The following INO80 variants were observed in gnomAD, a reference collection of about 807,000 sequenced individuals.
INO80 encodes the protein INO80 complex ATPase subunit.
Under a neutral mutation model 203.4 loss-of-function variants are expected in INO80, and 20 were observed. The ratio of observed to expected loss-of-function variants is 0.10; its 90% CI spans 0.07 to 0.14. The LOEUF (loss-of-function observed/expected upper bound fraction) is 0.14. Ranked by LOEUF, INO80 falls within the 10% of genes least tolerant of loss-of-function variation. INO80 has a pLI of 1.00. For synonymous variants in INO80, 726 were observed against 685.2 expected, an observed-to-expected ratio of 1.06 and a Z score of -0.93; for missense variants, 1,419 against 1,914.4, an observed-to-expected ratio of 0.74 and a Z score of 4.83.
At chr15:41,003,189 C>G (rs1245945626) in intron 28 of INO80, among the ~76,000 whole-genome samples, 2 of 151,822 alleles carry the variant, frequency 1.3e-5, no homozygotes, top group Admixed American at 6.6e-5. Context: ...ATGGTTATGA[C>G]AGAATATTAA....
intron 5 of INO80, among the ~76,000 whole-genome samples, chr15:41,090,208 G>C (rs886968422): frequency 1.3e-5 from 2 of 152,216 alleles, no homozygotes; most frequent in African/African-American, 4.8e-5. Context: ...CATTAAGTGA[G>C]AGAAGCTGGA....
At position 41,081,132 on chromosome 15, in the gene INO80, A is replaced by G. The variant is rs554022702; in HGVS notation, c.874-59T>C. ...ATTCATTTTTGAACTAAGACTATGT[A>G]GAATGAACAGTCTTTTACTCAATTC... is the stretch of plus-strand genomic sequence containing the variant. On this transcript the variant is annotated intron_variant, in intron 7 of 35. Transcript: ENST00000648947. The G allele has an allele frequency of 4.1e-5, 44 of 1,061,492 alleles. 1 individual carries two copies. In the South Asian group the frequency reaches 5.7e-4, roughly 14 times the overall value. 65.8% of individuals were successfully genotyped at this position (1,061,492 alleles called of 1,614,324 possible).
At chr15:41,049,672 G>A (rs910601651) in intron 20 of INO80, among the ~76,000 whole-genome samples, 13 of 152,152 alleles carry the variant, frequency 8.5e-5, no homozygotes, top group African/African-American at 3.1e-4. Flanking sequence ...GATCCCTTGA[G>A]GCCAAGAGTT....
intron 1 of INO80, among the ~76,000 whole-genome samples, chr15:41,106,067 G>A (rs573272913): frequency 3.7e-4 from 57 of 152,074 alleles, no homozygotes; most frequent in Non-Finnish European, 7.6e-4. Context: ...ACACCAGCCT[G>A]GGTAACATAG....
rs184909859 is a variant in INO80 at position 41,084,009 on chromosome 15, A to G, written c.873+1360T>C. On this transcript the variant is annotated intron_variant, in intron 7 of 35. Transcript: ENST00000648947. Reference sequence around the variant, plus strand: ...TACTCCTACATTCTGACTTCATCACATGGACTTTAGTATCAACTTTTCTCA... The same window carrying G: ...TACTCCTACATTCTGACTTCATCACGTGGACTTTAGTATCAACTTTTCTCA... Among the ~76,000 whole-genome samples the G allele has an allele frequency of 2.7e-3, 410 of 152,256 alleles. 3 individuals carry two copies. Among genetic ancestry groups the G allele is most frequent in the South Asian group, 0.013 (62 of 4,828 alleles).
At chr15:41,062,135 G>A (rs527670818) in intron 14 of INO80, among the ~76,000 whole-genome samples, 20 of 152,264 alleles carry the variant, frequency 1.3e-4, no homozygotes, top group African/African-American at 4.8e-4. Flanking sequence ...AATGTCTCAT[G>A]GGGTTTAAAA....
intron 26 of INO80, among the ~76,000 whole-genome samples, chr15:41,020,093 C>T (rs936722073): frequency 3.9e-5 from 6 of 152,002 alleles, no homozygotes; most frequent in African/African-American, 1.5e-4. Context: ...TGGTGGTGGG[C>T]GCCTGTAGTC....
chr15:41,060,978 G>A (rs770706776), intron 14 of INO80, among the ~76,000 whole-genome samples: 46 of 152,188 alleles, frequency 3.0e-4, no homozygotes, highest in African/African-American at 9.9e-4. Context: ...GAAAGATAAC[G>A]TACACAGAGG....
intron 30 of INO80, 86 bp downstream of exon 30, chr15:40,987,730 A>T: frequency 1.6e-6 from 2 of 1,241,826 alleles, no homozygotes; most frequent in Non-Finnish European, 2.3e-6. Context: ...AAGGCAAGAG[A>T]GTTTTAAAAT....
chr15:41,082,711 C>CA (rs1270745740), intron 7 of INO80, among the ~76,000 whole-genome samples: 6 of 150,248 alleles, frequency 4.0e-5, no homozygotes, highest in African/African-American at 9.8e-5. Flanking sequence ...TCTCAAAAAA[C>CA]AAAAAAAAAT....
chr15:40,995,216 ATTAC>A (rs1380637937), intron 29 of INO80, among the ~76,000 whole-genome samples: 1 of 152,168 alleles, frequency 6.6e-6, no homozygotes, highest in East Asian at 1.9e-4. Context: ...ATGTAAAATA[ATTAC>A]TTACAATGTA....
At chr15:41,057,654 G>A (rs552771490) in intron 16 of INO80, among the ~76,000 whole-genome samples, 36 of 151,308 alleles carry the variant, frequency 2.4e-4, no homozygotes, top group African/African-American at 7.5e-4. Flanking sequence ...AAAATTAGCC[G>A]GACATGGTGG....
In INO80 at chr15:40,980,061, T is replaced by G; in HGVS notation, c.*162A>C. On this transcript the variant is annotated 3_prime_UTR_variant, in exon 36 of 36. Transcript: ENST00000648947. ...GATGCTCCTGATGAGACACAGATGA[T>G]AAAAGTGCTCACACCATCCACCTGC... is the stretch of plus-strand genomic sequence containing the variant. 1.5e-6 allele frequency: 1 copy of G among 648,164 alleles called. No individual in the cohort carries two copies. The highest frequency in any genetic ancestry group is 2.6e-5 in the Admixed American group (1 of 37,756). The allele number at this position is 648,164 out of a possible 1,614,324, so 40.2% of individuals were successfully genotyped here. A position where few individuals can be genotyped will look rare whatever the true frequency, so the allele number is the denominator to read the frequency against.
At position 40,980,157 on chromosome 15, in the gene INO80, A is replaced by G. The variant is rs1402607362; in HGVS notation, c.*66T>C. The G allele has an allele frequency of 2.0e-5, 27 of 1,341,638 alleles. No individual in the cohort carries two copies. The highest frequency in any genetic ancestry group is 2.7e-5 in the Non-Finnish European group (25 of 935,278). The allele number at this position is 1,341,638 out of a possible 1,614,324, so 83.1% of individuals were successfully genotyped here. On this transcript the variant is annotated 3_prime_UTR_variant, in exon 36 of 36. Transcript: ENST00000648947. ...AGATGCTGCACGGGGCAAGCCATCC[A>G]AAGACCACTGGCAGGTCAGGACTCT...
intron 1 of INO80, among the ~76,000 whole-genome samples, chr15:41,098,433 G>T (rs2045756963): frequency 1.3e-5 from 2 of 152,246 alleles, no homozygotes; most frequent in Admixed American, 1.3e-4. Context: ...CCAGCACTCT[G>T]GGAGACTGAA....
intron 24 of INO80, among the ~76,000 whole-genome samples, chr15:41,033,127 C>T (rs981352940): frequency 6.6e-6 from 1 of 152,130 alleles, no homozygotes; most frequent in African/African-American, 2.4e-5. Flanking sequence ...ATGAGACAGA[C>T]AGGAGACAGA....
intron 25 of INO80, among the ~76,000 whole-genome samples, chr15:41,025,306 G>C (rs982290209): frequency 6.6e-6 from 1 of 152,218 alleles, no homozygotes; most frequent in African/African-American, 2.4e-5. Context: ...CTGTTCTTGA[G>C]AGTGGTGGGT....
chr15:41,023,121 T>TA (rs2140471156), intron 25 of INO80: 2 of 343,040 alleles, frequency 5.8e-6, no homozygotes, highest in East Asian at 8.1e-5. Flanking sequence ...AAAAAAAAGT[T>TA]AAAAAAAGAA....
chr15:41,085,667 C>T (rs1457372733), intron 6 of INO80, 84 bp from the exon 7 acceptor site: 7 of 1,026,174 alleles, frequency 6.8e-6, no homozygotes, highest in Non-Finnish European at 8.8e-6. Context: ...ATGCAAGGTT[C>T]TTTCCTTATT....
Sources: allele counts gnomAD v4.1 joint callset (sites outside exome capture counted in the v4.1 genomes callset), GRCh38; gene constraint gnomAD v4.1.1; transcripts MANE v1.5; gene names NCBI Gene and HGNC (gene_info 2026-07-23, HGNC 2026-07-21).